Variants in ROBO2 observed in about 807,000 individuals in gnomAD.
ROBO2 encodes the protein roundabout homolog 2.
A neutral mutation model predicts 160.8 loss-of-function variants in ROBO2; 53 were observed. The observed-to-expected ratio is 0.33, with a 90% confidence interval of 0.26 to 0.41. The LOEUF is 0.41. ROBO2 is among the 10% of genes least tolerant of loss of function. ROBO2 has a pLI of 1.00. For missense variants in ROBO2, 1,577 were observed against 1,722.4 expected, an observed-to-expected ratio of 0.92 and a Z score of 1.49; for synonymous variants, 664 against 611.7, an observed-to-expected ratio of 1.09 and a Z score of -1.26.
chr3:77,022,409 A>T (rs928548171), intron 2 of ROBO2, among the ~76,000 whole-genome samples: 2 of 152,146 alleles, frequency 1.3e-5, no homozygotes, highest in Admixed American at 1.3e-4. Flanking sequence ...AAATAAACAA[A>T]ATCAAATGAA....
intron 2 of ROBO2, among the ~76,000 whole-genome samples, chr3:75,938,216 T>C (rs1418310963): frequency 1.3e-5 from 2 of 151,894 alleles, no homozygotes; most frequent in African/African-American, 4.8e-5. Flanking sequence ...AAAAGGGCCA[T>C]AGATTTTGTA....
chr3:76,263,341 C>T (rs1706888107), intron 2 of ROBO2, among the ~76,000 whole-genome samples: 1 of 152,046 alleles, frequency 6.6e-6, no homozygotes, highest in Non-Finnish European at 1.5e-5. Flanking sequence ...GGCGATGCAC[C>T]TTTGCCTCGC....
chr3:76,545,622 A>C (rs1399840303), intron 2 of ROBO2, among the ~76,000 whole-genome samples: 2 of 151,940 alleles, frequency 1.3e-5, no homozygotes, highest in African/African-American at 2.4e-5. Context: ...ACTCTCGTGA[A>C]ATATGTTCCT....
rs1410423545 is a variant in ROBO2, at chr3:77,098,041, C to T, written c.89C>T (p.Pro30Leu). Reference sequence around the variant, plus strand: ...TCGCGTCTTCGCCAGGAGGACTTTCCCCCGCGGATTGTGGAGCATCCTTCC... The same window carrying T: ...TCGCGTCTTCGCCAGGAGGACTTTCTCCCGCGGATTGTGGAGCATCCTTCC... Residue 30 changes from proline (P) to leucine (L), a missense_variant, in exon 2 of 26, where the codon CCC (proline) becomes CTC (leucine). This residue lies in a region of ROBO2 where 940 missense variants were observed against 1,135.5 expected (regional missense o/e 0.83). Transcript: ENST00000461745. 6.3e-6 allele frequency: 10 copies of T among 1,580,096 alleles called. No individual in the cohort carries two copies. Among genetic ancestry groups the T allele is most frequent in the African/African-American group, 1.4e-5 (1 of 74,032 alleles).
intron 2 of ROBO2, among the ~76,000 whole-genome samples, chr3:76,284,524 A>G (rs946162444): frequency 6.6e-6 from 1 of 152,118 alleles, no homozygotes; most frequent in African/African-American, 2.4e-5. Flanking sequence ...AATGAAAAGG[A>G]TTATCCATTC....
chr3:77,376,321 AT>A lies in ROBO2; in HGVS notation c.389-101085del, dbSNP rs567008855. Among the ~76,000 whole-genome samples the A allele has an allele frequency of 1.3e-3, 200 of 151,084 alleles. 1 individual carries two copies. The highest frequency in any genetic ancestry group is 2.2e-3 in the Admixed American group (33 of 15,170). The stretch of plus-strand genomic sequence containing the variant: ...AGGCCTGCACCAGTACACCTGGCTA[AT>A]TTTTTTTGTATTTTTAGTAGAGACA... On this transcript the variant is annotated intron_variant, in intron 2 of 25. Transcript: ENST00000461745.
chr3:76,714,800 G>A (rs1000321464), intron 2 of ROBO2, among the ~76,000 whole-genome samples: 2 of 152,138 alleles, frequency 1.3e-5, no homozygotes, highest in Non-Finnish European at 2.9e-5. Context: ...CATTGTAACA[G>A]ATCAGTATCC....
At chr3:77,487,989 T>G (rs2085586047) in intron 4 of ROBO2, among the ~76,000 whole-genome samples, 1 of 152,188 alleles carries the variant, frequency 6.6e-6, no homozygotes, top group Admixed American at 6.5e-5. Context: ...CTAAGTAACT[T>G]AAGAGATACT....
intron 2 of ROBO2, among the ~76,000 whole-genome samples, chr3:76,647,783 G>GA (rs1295958027): frequency 1.5e-4 from 23 of 149,628 alleles, no homozygotes; most frequent in Non-Finnish European, 2.5e-4. Context: ...ATTGTCAGAG[G>GA]AAAAAAAAAT....
intron 2 of ROBO2, among the ~76,000 whole-genome samples, chr3:77,120,707 C>G (rs1033439091): frequency 6.6e-6 from 1 of 152,078 alleles, no homozygotes; most frequent in Admixed American, 6.6e-5. Context: ...AAATAGTATA[C>G]ATTTTAGCTA....
At chr3:76,245,523 C>G (rs1312787167) in intron 2 of ROBO2, among the ~76,000 whole-genome samples, 3 of 152,110 alleles carry the variant, frequency 2.0e-5, no homozygotes, top group Admixed American at 2.0e-4. Context: ...TCTATTTAGT[C>G]ATTCAAAAAT....
At chr3:76,531,680 C>T (rs1265056040) in intron 2 of ROBO2, among the ~76,000 whole-genome samples, 2 of 140,898 alleles carry the variant, frequency 1.4e-5, no homozygotes, top group African/African-American at 5.2e-5. Context: ...GGTAATTCAA[C>T]AGTAATCCAA....
chr3:76,878,322 A>G (rs1371654418), intron 2 of ROBO2, among the ~76,000 whole-genome samples: 1 of 152,180 alleles, frequency 6.6e-6, no homozygotes, highest in East Asian at 1.9e-4. Context: ...TGTTAAATGA[A>G]ATGAAATAAA....
chr3:76,223,326 C>A (rs190589073), intron 2 of ROBO2, among the ~76,000 whole-genome samples: 1 of 151,552 alleles, frequency 6.6e-6, no homozygotes, highest in African/African-American at 2.4e-5. Context: ...TGGGGCAATG[C>A]GGGGTTAACC....
At chr3:76,199,978 T>G (rs1194684441) in intron 2 of ROBO2, among the ~76,000 whole-genome samples, 1 of 152,178 alleles carries the variant, frequency 6.6e-6, no homozygotes, top group African/African-American at 2.4e-5. Flanking sequence ...TGTATTCTCA[T>G]GTGGATGGTC....
At chr3:76,475,433 C>T (rs750111192) in intron 2 of ROBO2, among the ~76,000 whole-genome samples, 5 of 152,020 alleles carry the variant, frequency 3.3e-5, no homozygotes, top group Non-Finnish European at 4.4e-5. Context: ...TTATTCTGAG[C>T]GAGATGGGAA....
At chr3:76,871,361 C>G (rs562791977) in intron 2 of ROBO2, among the ~76,000 whole-genome samples, 1 of 151,320 alleles carries the variant, frequency 6.6e-6, no homozygotes, top group South Asian at 2.1e-4. Flanking sequence ...GAGACCATCC[C>G]GGCTAAAACG....
intron 1 of ROBO2, among the ~76,000 whole-genome samples, chr3:77,041,380 T>G (rs1299575149): frequency 2.0e-5 from 3 of 152,168 alleles, no homozygotes; most frequent in African/African-American, 2.4e-5. Context: ...GGGAGAAAAC[T>G]GTCAAAAGTG....
In ROBO2 at chr3:77,293,631, C is replaced by T. The variant is rs1247221838; in HGVS notation, c.389-183783C>T. On this transcript the variant is annotated intron_variant, in intron 2 of 25. Coordinates refer to ENST00000461745, the Ensembl canonical transcript of ROBO2. Reference sequence around the variant, plus strand: ...ACACAAAGTAAAATTGACGGTTAAACGGGTAAGCTGAGGCTAGATCACCCA... The same window carrying T: ...ACACAAAGTAAAATTGACGGTTAAATGGGTAAGCTGAGGCTAGATCACCCA... Among the ~76,000 whole-genome samples the T allele has an allele frequency of 1.7e-4, 24 of 141,784 alleles. 2 individuals are homozygous for T. The highest frequency in any genetic ancestry group is 2.7e-4 in the Non-Finnish European group (18 of 66,486). The allele number at this position is 141,784 out of a possible 152,430, so 93.0% of individuals were successfully genotyped here.
Sources: allele counts gnomAD v4.1 joint callset (sites outside exome capture counted in the v4.1 genomes callset), GRCh38; gene constraint gnomAD v4.1.1; regional missense constraint gnomAD v4.1.1; transcripts MANE v1.5; gene names NCBI Gene and HGNC (gene_info 2026-07-23, HGNC 2026-07-21).